The following PDZD7 variants were observed in gnomAD, a reference collection of about 807,000 sequenced individuals.
PDZD7 encodes the protein PDZ domain containing 7, also known as PDZ domain-containing protein 7.
PDZD7 carries 72 observed loss-of-function variants against 84.7 expected under a neutral mutation model. The ratio of observed to expected loss-of-function variants is 0.85; its 90% CI spans 0.70 to 1.03. The LOEUF (loss-of-function observed/expected upper bound fraction) is 1.03. Ranked by LOEUF, PDZD7 falls within the 50% of genes least tolerant of loss-of-function variation. The pLI, the probability that PDZD7 is intolerant of heterozygous loss-of-function variation, is 0.00. For synonymous variants in PDZD7, 594 were observed against 580.7 expected (o/e 1.02, Z -0.33); for missense variants, 1,490 against 1,412.9 (o/e 1.05, Z -0.87).
At chr10:101,022,148 G>A (rs1853145605) in intron 5 of PDZD7, 61 bp downstream of exon 5, 2 of 1,605,452 alleles carry the variant, frequency 1.2e-6, no homozygotes, top group African/African-American at 1.3e-5. Context: ...TCCCAGCCTA[G>A]GCCCCACTCC....
chr10:101,017,867 G>GAA (rs1197773962), intron 9 of PDZD7: 1 of 418,564 alleles, frequency 2.4e-6, no homozygotes, highest in Non-Finnish European at 4.0e-6. Context: ...AAGAAAGAAA[G>GAA]AAAGAAAGAA....
chr10:101,024,205 G>T (rs558488467), intron 2 of PDZD7, 137 bp from the exon 3 acceptor site: 2 of 1,174,382 alleles, frequency 1.7e-6, no homozygotes, highest in Non-Finnish European at 1.3e-6. Flanking sequence ...AAATGCAGTG[G>T]GGCAGGTCAG....
intron 15 of PDZD7, among the ~76,000 whole-genome samples, chr10:101,009,620 T>A (rs1852324968): frequency 6.8e-6 from 1 of 146,166 alleles, no homozygotes; most frequent in Non-Finnish European, 1.5e-5. Context: ...TTTTTTTTTT[T>A]TTTTGAGACG....
Position 101,010,398 on chromosome 10 carries a change from C to A in PDZD7, c.2491G>T (p.Ala831Ser). 1 of 1,536,222 alleles carries A rather than the reference C, an allele frequency of 6.5e-7. No individual in the cohort carries two copies. Among genetic ancestry groups the A allele is most frequent in the Non-Finnish European group, 8.7e-7 (1 of 1,146,934 alleles). The stretch of plus-strand genomic sequence containing the variant: ...GGCCCTTGCTTGGCCCCCACCTTGG[C>A]TGCCTCCCCATCCAGAGGTCGTGGC... ...PLPRPLDGEA[A>S]KVGAKQGPSE... Residue 831 changes from alanine (A) to serine (S), a missense_variant, in exon 15 of 17, where the codon GCC (alanine) becomes TCC (serine). Coordinates refer to ENST00000619208, the MANE Select transcript of PDZD7 (RefSeq NM_001195263.2).
At position 101,023,070 on chromosome 10, in the gene PDZD7, C is replaced by CTTT. The variant is rs1161602421; in HGVS notation, c.542+363_542+365dup. On this transcript the variant is annotated intron_variant, in intron 4 of 16. Transcript: ENST00000619208. Reference sequence around the variant, plus strand: ...TACAGGCTTGAGCCACCATGCCCGGCTTTTTTTTTTTTTTTTTTTTTTTTT... The same window carrying CTTT: ...TACAGGCTTGAGCCACCATGCCCGGCTTTTTTTTTTTTTTTTTTTTTTTTTTTT... 4.5e-4 allele frequency: 57 copies of CTTT among 127,892 alleles called. 3 individuals carry two copies. The highest frequency in any genetic ancestry group is 1.4e-3 in the African/African-American group (20 of 14,478). 7.9% of individuals were successfully genotyped at this position (127,892 alleles called of 1,614,324 possible).
chr10:101,010,392 C>T lies in PDZD7; in HGVS notation c.2497G>A (p.Val833Met), dbSNP rs1852352839. 4 of 1,536,212 alleles carry T rather than the reference C, an allele frequency of 2.6e-6. No individual in the cohort carries two copies. Among genetic ancestry groups the T allele is most frequent in the Non-Finnish European group, 3.5e-6 (4 of 1,146,930 alleles). ...PRPLDGEAAK[V>M]GAKQGPSESG... ...TCCGAGGGCCCTTGCTTGGCCCCCA[C>T]CTTGGCTGCCTCCCCATCCAGAGGT... The change falls in exon 15 of 17, where the codon GTG becomes ATG. Residue 833 changes from valine to methionine, a missense_variant. Val to Met is a conservative substitution (Grantham distance 21). Transcript: ENST00000619208.
At position 101,018,976 on chromosome 10, in the gene PDZD7, G is replaced by A; in HGVS notation, c.1170C>T (p.Val390=). The A allele has an allele frequency of 6.3e-7, 1 of 1,590,630 alleles. No individual in the cohort carries two copies. Among genetic ancestry groups the A allele is most frequent in the Non-Finnish European group, 8.5e-7 (1 of 1,169,604 alleles). The change falls in exon 8 of 17, where the codon GTC becomes GTT. Residue 390 remains valine, a synonymous_variant. Transcript: ENST00000619208. ...VETWCSVRPT[V]ILRDTAIRSD... ...AGCGGATGGCGGTGTCCCTGAGGAT[G>A]ACTGTGGGCCGCACGCTGCACCAGG...
Position 101,016,431 on chromosome 10 carries a change from T to C in PDZD7, c.1523-4A>G. 1 of 1,550,568 alleles carries C rather than the reference T, an allele frequency of 6.4e-7. No individual in the cohort carries two copies. Among genetic ancestry groups the C allele is most frequent in the Non-Finnish European group, 8.7e-7 (1 of 1,146,978 alleles). On this transcript the variant is annotated splice_region_variant and splice_polypyrimidine_tract_variant and intron_variant, in intron 9 of 16. Coordinates refer to ENST00000619208, the MANE Select transcript of PDZD7 (RefSeq NM_001195263.2). ...TGTACCGGGCCCACGCCCCCTGCTA[T>C]GAAGAAGAAAGAGGCTCAGCTGCAG...
intron 1 of PDZD7, chr10:101,030,823 G>C (rs1564646446): frequency 5.7e-6 from 1 of 174,266 alleles, no homozygotes; most frequent in East Asian, 1.5e-4. Flanking sequence ...AGGGCTTCAG[G>C]ACCTTAGACA....
In PDZD7 at chr10:101,020,621, G is replaced by A. The variant is rs771163176; in HGVS notation, c.925C>T (p.Arg309Ter). The A allele has an allele frequency of 1.7e-5, 28 of 1,613,478 alleles. No homozygotes were observed. In the South Asian group the frequency reaches 2.1e-4, roughly 12 times the overall value. The change falls in exon 7 of 17, where the codon CGA becomes TGA. Residue 309 changes from arginine to a stop codon, truncating the protein, a stop_gained. Transcript: ENST00000619208. LOFTEE classifies it high-confidence loss of function. Reference sequence around the variant, plus strand: ...TTGGGAGATCTGAGCCACTTACGTCGGTCCAGCCAGCAGTACTCAGAAACC... The same window carrying A: ...TTGGGAGATCTGAGCCACTTACGTCAGTCCAGCCAGCAGTACTCAGAAACC... Reference protein sequence around the residue: ...EMVSEYCWLDRLSNGVLQQLS... With the variant: ...EMVSEYCWLD
In PDZD7 at chr10:101,008,857, TG is replaced by T; in HGVS notation, c.2719-8del. On this transcript the variant is annotated splice_polypyrimidine_tract_variant and splice_region_variant and intron_variant, in intron 16 of 16. Transcript: ENST00000619208. ...CCACAAGCTCGAAGCCAGCCTAGGGTGGGGTGAGAGAGTCACATCCCTCCCT... is the reference window on the plus strand; with the variant it reads ...CCACAAGCTCGAAGCCAGCCTAGGGTGGGTGAGAGAGTCACATCCCTCCCT... 5 of 1,483,000 alleles carry T rather than the reference TG, an allele frequency of 3.4e-6. No individual in the cohort carries two copies. The highest frequency in any genetic ancestry group is 4.5e-6 in the Non-Finnish European group (5 of 1,117,304). The allele number at this position is 1,483,000 out of a possible 1,614,324, so 91.9% of individuals were successfully genotyped here. A position where few individuals can be genotyped will look rare whatever the true frequency, so the allele number is the denominator to read the frequency against.
intron 2 of PDZD7, among the ~76,000 whole-genome samples, chr10:101,024,378 G>A (rs1937592950): frequency 6.6e-6 from 1 of 152,128 alleles, no homozygotes; most frequent in Non-Finnish European, 1.5e-5. Flanking sequence ...CAAGTAGCTA[G>A]GACTACAGGC....
At chr10:101,023,746 C>T (rs1853263685) in intron 3 of PDZD7, 136 bp from the exon 4 acceptor site, 3 of 1,423,464 alleles carry the variant, frequency 2.1e-6, no homozygotes, top group African/African-American at 1.4e-5. Flanking sequence ...CTGAGTGTTC[C>T]CAGTGCCTAG....
intron 14 of PDZD7, 22 bp downstream of exon 14, chr10:101,011,667 TG>T (rs1302208265): frequency 6.5e-7 from 1 of 1,536,782 alleles, no homozygotes; most frequent in South Asian, 1.2e-5. Context: ...TGCCCCTCCC[TG>T]GGCTCTGGGA....
chr10:101,013,736 T>C (rs1171147960), intron 11 of PDZD7, among the ~76,000 whole-genome samples: 1 of 152,086 alleles, frequency 6.6e-6, no homozygotes, highest in Non-Finnish European at 1.5e-5. Context: ...GGGAGTTGAA[T>C]CTGGGAGGAC....
chr10:101,009,547 G>A (rs2133994969), intron 15 of PDZD7, among the ~76,000 whole-genome samples, 197 bp from the exon 16 acceptor site: 1 of 147,450 alleles, frequency 6.8e-6, no homozygotes, highest in South Asian at 2.2e-4. Context: ...CCACCCAACT[G>A]CACCCCAATA....
rs1291343887 is a variant in PDZD7 at position 101,010,369 on chromosome 10, C to G, written c.2520G>C (p.Ser840=). The G allele has an allele frequency of 5.9e-6, 9 of 1,536,078 alleles. No individual in the cohort carries two copies. In the South Asian group the frequency reaches 8.3e-5, roughly 14 times the overall value. Residue 840 remains serine (S), a synonymous_variant, in exon 15 of 17, where the codon TCG becomes TCC. Transcript: ENST00000619208. ...AAKVGAKQGP[S]ESGTEGTAKE... Reference sequence around the variant, plus strand: ...TGGCCGTCCCCTCAGTTCCACTCTCCGAGGGCCCTTGCTTGGCCCCCACCT... The same window carrying G: ...TGGCCGTCCCCTCAGTTCCACTCTCGGAGGGCCCTTGCTTGGCCCCCACCT...
At chr10:101,023,253 G>GA (rs1384344147) in intron 4 of PDZD7, 183 bp downstream of exon 4, 5 of 683,080 alleles carry the variant, frequency 7.3e-6, no homozygotes, top group Non-Finnish European at 1.0e-5. Context: ...AGAGCTATTG[G>GA]AGGAGGGCAG....
intron 14 of PDZD7, 97 bp from the exon 15 acceptor site, chr10:101,010,980 GTTTGTTC>G: frequency 6.6e-7 from 1 of 1,525,260 alleles, no homozygotes; most frequent in Admixed American, 2.0e-5. Flanking sequence ...CCAGGCCCGA[GTTTGTTC>G]AGGCACCACT....
Sources: allele counts gnomAD v4.1 joint callset (sites outside exome capture counted in the v4.1 genomes callset), GRCh38; gene constraint gnomAD v4.1.1; transcripts MANE v1.5; gene names NCBI Gene and HGNC (gene_info 2026-07-23, HGNC 2026-07-21).